RORA: variants seen among roughly 807,000 people sequenced by gnomAD.
RORA encodes RAR related orphan receptor A, also known as nuclear receptor ROR-alpha.
Under a neutral mutation model 69.5 loss-of-function variants are expected in RORA, and 7 were observed. The ratio of observed to expected loss-of-function variants is 0.10; its 90% CI spans 0.06 to 0.19. RORA has a LOEUF of 0.19. RORA is among the 10% of genes least tolerant of loss of function. The pLI is 1.00. For missense variants in RORA, 457 were observed against 663.0 expected, an observed-to-expected ratio of 0.69 and a Z score of 3.41; for synonymous variants, 261 against 240.8, an observed-to-expected ratio of 1.08 and a Z score of -0.78.
At position 60,838,843 on chromosome 15, in the gene RORA, A is replaced by AACACACACAC. The variant is rs58762022; in HGVS notation, c.167-160167_167-160158dup. Among the ~76,000 whole-genome samples, 553 of 122,066 alleles carry AACACACACAC rather than the reference A, an allele frequency of 4.5e-3. 6 individuals carry two copies. Among genetic ancestry groups the AACACACACAC allele is most frequent in the African/African-American group, 0.013 (400 of 31,584 alleles). The allele number at this position is 122,066 out of a possible 152,430, so 80.1% of individuals were successfully genotyped here. Reference sequence around the variant, plus strand: ...TGGTCATCCTTCAAAACATTCATTCAACACACACACACACACACACACACA... The same window carrying AACACACACAC: ...TGGTCATCCTTCAAAACATTCATTCAACACACACACACACACACACACACACACACACACA... On this transcript the variant is annotated intron_variant, in intron 1 of 10. Transcript: ENST00000335670.
chr15:61,076,749 T>C (rs928173217), intron 1 of RORA, among the ~76,000 whole-genome samples: 1 of 152,188 alleles, frequency 6.6e-6, no homozygotes, highest in African/African-American at 2.4e-5. Context: ...CCTAATGGCA[T>C]GTGAGTCCTT....
At chr15:60,678,593 G>T in intron 2 of RORA, 64 bp downstream of exon 2, 1 of 1,210,654 alleles carries the variant, frequency 8.3e-7, no homozygotes, top group South Asian at 1.2e-5. Flanking sequence ...GGTCACAGCA[G>T]CCAGACATAT....
chr15:60,620,199 T>C (rs1283849989), intron 2 of RORA, among the ~76,000 whole-genome samples: 1 of 152,206 alleles, frequency 6.6e-6, no homozygotes, highest in African/African-American at 2.4e-5. Context: ...CAGATGGATC[T>C]GAATAATATT....
At position 61,122,462 on chromosome 15, in the gene RORA, A is replaced by G. The variant is rs2079112371; in HGVS notation, c.166+106591T>C. 6.6e-5 allele frequency among the ~76,000 whole-genome samples: 10 copies of G among 152,350 alleles called. 1 individual carries two copies. In the South Asian group the frequency reaches 2.1e-3, roughly 32 times the overall value. Reference sequence around the variant, plus strand: ...AAATGAGGAAAAGAAGACTCAGGGCAGTGAAGTGACTTGCCTGAGGTTACA... The same window carrying G: ...AAATGAGGAAAAGAAGACTCAGGGCGGTGAAGTGACTTGCCTGAGGTTACA... On this transcript the variant is annotated intron_variant, in intron 1 of 10. Coordinates refer to ENST00000335670, the MANE Select transcript of RORA (RefSeq NM_134261.3).
At chr15:60,823,375 C>G (rs1211323763) in intron 1 of RORA, among the ~76,000 whole-genome samples, 1 of 152,158 alleles carries the variant, frequency 6.6e-6, no homozygotes, top group African/African-American at 2.4e-5. Flanking sequence ...TCTCTCATAG[C>G]ACTCTATTGT....
chr15:60,697,929 A>C (rs11629812), intron 1 of RORA, among the ~76,000 whole-genome samples: 2 of 151,932 alleles, frequency 1.3e-5, no homozygotes, highest in Non-Finnish European at 2.9e-5. Context: ...AAGTTCCTAT[A>C]TAATAATGAG....
At chr15:61,068,305 C>G (rs1566972669) in intron 1 of RORA, among the ~76,000 whole-genome samples, 1 of 109,028 alleles carries the variant, frequency 9.2e-6, no homozygotes, top group Non-Finnish European at 2.0e-5. Context: ...TTAGCTCTAA[C>G]CAATGCTTAA....
intron 2 of RORA, chr15:60,627,179 G>C: frequency 6.7e-7 from 1 of 1,484,512 alleles, no homozygotes; most frequent in Non-Finnish European, 9.4e-7. Context: ...GTTGTGGGTG[G>C]TGGGGGGAGG....
intron 1 of RORA, among the ~76,000 whole-genome samples, chr15:60,898,943 G>A (rs543487375): frequency 1.1e-4 from 16 of 152,312 alleles, no homozygotes; most frequent in Non-Finnish European, 1.3e-4. Context: ...ACTAATAGAT[G>A]AGACCATGGT....
chr15:60,787,416 C>A (rs1361608049), intron 1 of RORA, among the ~76,000 whole-genome samples: 1 of 152,228 alleles, frequency 6.6e-6, no homozygotes, highest in Non-Finnish European at 1.5e-5. Flanking sequence ...CCTGCAACTG[C>A]GGTCAAGGTG....
intron 2 of RORA, among the ~76,000 whole-genome samples, chr15:60,654,927 T>G (rs2070197804): frequency 6.6e-6 from 1 of 152,222 alleles, no homozygotes; most frequent in Non-Finnish European, 1.5e-5. Flanking sequence ...TTTGTACTTC[T>G]GATCTCTGGA....
At chr15:60,816,023 C>T (rs984650590) in intron 1 of RORA, among the ~76,000 whole-genome samples, 7 of 135,020 alleles carry the variant, frequency 5.2e-5, no homozygotes, top group African/African-American at 1.9e-4. Flanking sequence ...TATTTATATA[C>T]TATATATAGT....
intron 1 of RORA, among the ~76,000 whole-genome samples, chr15:60,960,632 G>T (rs1407293947): frequency 1.3e-5 from 2 of 151,020 alleles, no homozygotes. Flanking sequence ...TTACACTTTG[G>T]CACACAAATC....
rs184205148 is a variant in RORA, at chr15:60,995,207, C to G, written c.166+233846G>C. On this transcript the variant is annotated intron_variant, in intron 1 of 10. Coordinates refer to ENST00000335670, the MANE Select transcript of RORA (RefSeq NM_134261.3). The stretch of plus-strand genomic sequence containing the variant: ...TTTTCTGGTTCTCTTCTTTCCTTTC[C>G]GCAGATGCTCAGCTGAGCCAGTGCA... Among the ~76,000 whole-genome samples the G allele has an allele frequency of 9.7e-4, 147 of 152,032 alleles. 2 individuals carry two copies. The highest frequency in any genetic ancestry group is 9.6e-3 in the Admixed American group (146 of 15,266).
chr15:61,045,712 G>A (rs1449377182), intron 1 of RORA, among the ~76,000 whole-genome samples: 1 of 152,184 alleles, frequency 6.6e-6, no homozygotes, highest in Non-Finnish European at 1.5e-5. Flanking sequence ...TGGGCCTCAA[G>A]GCATACTGCA....
chr15:60,934,034 A>G (rs892181197), intron 1 of RORA, among the ~76,000 whole-genome samples: 2 of 152,232 alleles, frequency 1.3e-5, no homozygotes, highest in African/African-American at 2.4e-5. Flanking sequence ...GCATAGCCCC[A>G]GCTCCAGCTC....
At chr15:60,980,577 T>C (rs922803493) in intron 1 of RORA, among the ~76,000 whole-genome samples, 45 of 152,254 alleles carry the variant, frequency 3.0e-4, no homozygotes, top group African/African-American at 1.1e-3. Flanking sequence ...TATTCATGTA[T>C]TCTATTTTAT....
intron 1 of RORA, among the ~76,000 whole-genome samples, chr15:60,945,201 A>T (rs12442730): frequency 1.2e-4 from 19 of 152,036 alleles, no homozygotes; most frequent in Non-Finnish European, 4.4e-5. Flanking sequence ...CAAACTCATG[A>T]TCACATAAAC....
intron 1 of RORA, among the ~76,000 whole-genome samples, chr15:60,716,577 T>A (rs2071221633): frequency 6.6e-6 from 1 of 152,188 alleles, no homozygotes; most frequent in African/African-American, 2.4e-5. Context: ...ATATCCTTTG[T>A]TACAGTCTTG....
Sources: gnomAD v4.1 joint callset for allele counts (sites outside exome capture counted in the v4.1 genomes callset) on GRCh38, gnomAD v4.1.1 for gene constraint, MANE v1.5 for transcripts, NCBI Gene and HGNC (gene_info 2026-07-23, HGNC 2026-07-21) for gene names.